INPP5D: variants seen among roughly 807,000 people sequenced by gnomAD.
The protein encoded by INPP5D is phosphatidylinositol 3,4,5-trisphosphate 5-phosphatase 1.
A neutral mutation model predicts 122.9 loss-of-function variants in INPP5D; 33 were observed. The observed-to-expected ratio is 0.27, with a 90% CI of 0.20 to 0.36. The LOEUF (loss-of-function observed/expected upper bound fraction) is 0.36. Ranked by LOEUF, INPP5D falls within the 10% of genes least tolerant of loss-of-function variation. The probability of loss-of-function intolerance (pLI) is 1.00; values close to 1 mark genes in which losing one functional copy is unlikely to be tolerated. For synonymous variants in INPP5D, 584 were observed against 576.2 expected, an observed-to-expected ratio of 1.01 and a Z score of -0.19; for missense variants, 1,053 against 1,412.7, an observed-to-expected ratio of 0.75 and a Z score of 4.08.
In INPP5D at chr2:233,082,263, T is replaced by A. The variant is rs902695606; in HGVS notation, c.198+2865T>A. Among the ~76,000 whole-genome samples the A allele has an allele frequency of 2.6e-5, 4 of 152,190 alleles. No individual in the cohort carries two copies. The highest frequency in any genetic ancestry group is 4.4e-5 in the Non-Finnish European group (3 of 68,026). On this transcript the variant is annotated intron_variant, in intron 2 of 26. Transcript: ENST00000445964. This position sits in a 1 kb window ranked among gnomAD's most constrained non-coding sequence, Gnocchi z 4.7. ...CTCCAAGAGTAAATGACAGCAGACG[T>A]CCACTGAGGACCAAGTGCACACTCA...
intron 22 of INPP5D, among the ~76,000 whole-genome samples, chr2:233,193,180 C>T (rs545328180): frequency 1.3e-5 from 2 of 152,366 alleles, no homozygotes; most frequent in South Asian, 2.1e-4. Context: ...TGAGCCACCA[C>T]ACCCGGTGCA....
At chr2:233,158,193 C>G (rs1694104971) in intron 9 of INPP5D, 120 bp from the exon 10 acceptor site, 1 of 596,842 alleles carries the variant, frequency 1.7e-6, no homozygotes, top group African/African-American at 1.9e-5. Context: ...AGACCAGACA[C>G]AAACTCGGGG....
At chr2:233,130,151 T>C (rs983893654) in intron 4 of INPP5D, among the ~76,000 whole-genome samples, 24 of 152,216 alleles carry the variant, frequency 1.6e-4, no homozygotes, top group Non-Finnish European at 1.0e-4. Context: ...CACCTGGGCC[T>C]CCCAAAGTGC....
intron 6 of INPP5D, among the ~76,000 whole-genome samples, chr2:233,143,548 A>G (rs1222321126): frequency 6.6e-6 from 1 of 152,230 alleles, no homozygotes; most frequent in Admixed American, 6.5e-5. Flanking sequence ...ACCAACAGGC[A>G]GCCATTCTGT....
At chr2:233,157,300 T>C (rs933497158) in intron 9 of INPP5D, among the ~76,000 whole-genome samples, 5 of 152,092 alleles carry the variant, frequency 3.3e-5, no homozygotes, top group African/African-American at 4.8e-5. Context: ...AGGCTGTGCC[T>C]CGGCCCTTGA....
intron 18 of INPP5D, among the ~76,000 whole-genome samples, chr2:233,180,700 A>G (rs1021194993): frequency 6.6e-5 from 10 of 152,078 alleles, no homozygotes; most frequent in African/African-American, 2.2e-4. Flanking sequence ...CACCACGCCC[A>G]GCTAATTTTT....
chr2:233,106,182 T>C (rs1044934354), intron 2 of INPP5D, among the ~76,000 whole-genome samples: 3 of 152,166 alleles, frequency 2.0e-5, no homozygotes, highest in African/African-American at 7.2e-5. Flanking sequence ...CAAATCTCAA[T>C]ACTTAATGAC....
chr2:233,117,657 C>T (rs1692840400), intron 2 of INPP5D, among the ~76,000 whole-genome samples: 1 of 152,186 alleles, frequency 6.6e-6, no homozygotes, highest in African/African-American at 2.4e-5. Flanking sequence ...TATCCCTATG[C>T]CCTGTCCCTA....
intron 2 of INPP5D, among the ~76,000 whole-genome samples, chr2:233,083,244 C>A (rs1486082924): frequency 1.3e-5 from 2 of 152,272 alleles, no homozygotes; most frequent in Admixed American, 1.3e-4. Context: ...CAGCAGGGAG[C>A]TGGAGGTGCT....
intron 2 of INPP5D, among the ~76,000 whole-genome samples, chr2:233,086,119 C>CTCTTTCTTTCTTTCTT (rs10539341): frequency 0.064 from 6,029 of 93,862 alleles, 507 homozygotes; most frequent in Admixed American, 0.072. Context: ...ATAAGATAGC[C>CTCTTTCTTTCTTTCTT]TCTTTCTTTC....
chr2:233,169,621 C>T (rs1490973333), intron 14 of INPP5D: 16 of 695,556 alleles, frequency 2.3e-5, no homozygotes. Context: ...AAAGATATTT[C>T]CTTGTGTCAT....
intron 2 of INPP5D, among the ~76,000 whole-genome samples, chr2:233,095,112 G>A (rs1029335957): frequency 6.6e-6 from 1 of 152,190 alleles, no homozygotes; most frequent in East Asian, 1.9e-4. Context: ...AGACTATGCA[G>A]CTGCTTAAAA....
intron 2 of INPP5D, among the ~76,000 whole-genome samples, chr2:233,085,753 T>C (rs1204785059): frequency 6.6e-6 from 1 of 152,176 alleles, no homozygotes. Context: ...CTCCCTCTTG[T>C]GTGGCTGCAA....
intron 5 of INPP5D, among the ~76,000 whole-genome samples, chr2:233,132,392 C>T (rs1359174997): frequency 1.3e-5 from 2 of 152,212 alleles, no homozygotes; most frequent in African/African-American, 2.4e-5. Context: ...ATCACTATGG[C>T]GGTGCCAGCT....
At chr2:233,161,971 G>T (rs188454720) in intron 11 of INPP5D, 145 bp downstream of exon 11, 33 of 1,290,522 alleles carry the variant, frequency 2.6e-5, no homozygotes, top group East Asian at 5.4e-5. Flanking sequence ...CAGCCCACCC[G>T]CACAACCTCC....
chr2:233,083,495 T>TGAGGCTTC (rs2106213853), intron 2 of INPP5D, among the ~76,000 whole-genome samples: 1 of 152,310 alleles, frequency 6.6e-6, no homozygotes, highest in Non-Finnish European at 1.5e-5. Context: ...CTCTGAGCCC[T>TGAGGCTTC]GTGTGAGGCC....
rs1263206452 is a variant in INPP5D, at chr2:233,204,673, C to A, written c.3523C>A (p.Pro1175Thr). ...TELPHHGKHR[P>T]EEGPPGPLGR... The stretch of plus-strand genomic sequence containing the variant: ...GCTCCCGCATCACGGCAAGCACCGG[C>A]CGGAGGAGGGGCCACCAGGGCCTCT... Residue 1175 changes from proline (P) to threonine (T), a missense_variant, in exon 26 of 27, where the codon CCG becomes ACG. Around this residue, in one of 6 missense-constraint regions of INPP5D, gnomAD observed 417 missense variants for 425.8 expected, o/e 0.98. Coordinates refer to ENST00000445964, the MANE Select transcript of INPP5D (RefSeq NM_001017915.3). 6.4e-7 allele frequency: 1 copy of A among 1,570,968 alleles called. No homozygotes were observed. The highest frequency in any genetic ancestry group is 2.3e-5 in the East Asian group (1 of 43,344).
At chr2:233,201,973 C>G (rs1380260768) in intron 25 of INPP5D, among the ~76,000 whole-genome samples, 3 of 152,012 alleles carry the variant, frequency 2.0e-5, no homozygotes, top group Non-Finnish European at 4.4e-5. Context: ...CATGGTTTTC[C>G]CCAGTCTTCC....
chr2:233,118,032 T>C (rs143364171), intron 2 of INPP5D, among the ~76,000 whole-genome samples: 113 of 152,284 alleles, frequency 7.4e-4, no homozygotes, highest in African/African-American at 2.7e-3. Context: ...AGCAGACCTG[T>C]CCTGACTGTG....
Sources: gnomAD v4.1 joint callset for allele counts (sites outside exome capture counted in the v4.1 genomes callset) on GRCh38, gnomAD v4.1.1 for gene constraint, gnomAD v4.1.1 regional missense constraint, Gnocchi (gnomAD v3.1) non-coding constraint, MANE v1.5 for transcripts, NCBI Gene and HGNC (gene_info 2026-07-23, HGNC 2026-07-21) for gene names.